SERINC5: variants seen among roughly 807,000 people sequenced by gnomAD.
The protein encoded by SERINC5 is chromosome 5 open reading frame 12.
A neutral mutation model predicts 63.1 loss-of-function variants in SERINC5; 41 were observed. The ratio of observed to expected loss-of-function variants is 0.65; its 90% confidence interval spans 0.51 to 0.84. The LOEUF (loss-of-function observed/expected upper bound fraction) is 0.84. SERINC5 is among the 40% of genes least tolerant of loss of function. The pLI, the probability that SERINC5 is intolerant of heterozygous loss-of-function variation, is 0.00. For synonymous variants in SERINC5, 222 were observed against 215.2 expected (o/e 1.03, Z -0.28); for missense variants, 523 against 573.0 (o/e 0.91, Z 0.89).
chr5:80,198,690 C>T (rs1411429777), intron 2 of SERINC5: 7 of 985,266 alleles, frequency 7.1e-6, no homozygotes, highest in Admixed American at 1.2e-4. Flanking sequence ...TTTCAACACC[C>T]GCCCGCAAGC....
At chr5:80,160,268 A>C (rs1746797687) in intron 7 of SERINC5, among the ~76,000 whole-genome samples, 1 of 152,214 alleles carries the variant, frequency 6.6e-6, no homozygotes, top group African/African-American at 2.4e-5. Context: ...TGACTGTTGT[A>C]GTGTGAAACA....
intron 2 of SERINC5, among the ~76,000 whole-genome samples, chr5:80,191,179 C>T (rs961068597): frequency 1.3e-5 from 2 of 150,280 alleles, no homozygotes; most frequent in African/African-American, 4.9e-5. Context: ...CTGTTTTAAC[C>T]TTTTGTTCTG....
At chr5:80,192,590 C>T (rs1384105709) in intron 2 of SERINC5, among the ~76,000 whole-genome samples, 1 of 152,178 alleles carries the variant, frequency 6.6e-6, no homozygotes, top group Non-Finnish European at 1.5e-5. Flanking sequence ...GAACAGAAAA[C>T]GTCCTCACAT....
chr5:80,134,854 G>A (rs999859706), downstream of SERINC5, among the ~76,000 whole-genome samples: 4 of 152,166 alleles, frequency 2.6e-5, no homozygotes, highest in East Asian at 1.9e-4. Context: ...GAGAGGGAGC[G>A]TATCTTAAAA....
At chr5:80,192,120 A>C (rs893251644) in intron 2 of SERINC5, among the ~76,000 whole-genome samples, 3 of 152,228 alleles carry the variant, frequency 2.0e-5, no homozygotes, top group Admixed American at 6.5e-5. Flanking sequence ...CAGAGACCAC[A>C]GGGCCTCCAG....
At chr5:80,193,787 C>A (rs1409818716) in intron 2 of SERINC5, among the ~76,000 whole-genome samples, 1 of 152,216 alleles carries the variant, frequency 6.6e-6, no homozygotes, top group East Asian at 1.9e-4. Context: ...TAAGGCCCAG[C>A]AATGACAGCT....
chr5:80,191,847 C>A (rs1749210925), intron 2 of SERINC5, among the ~76,000 whole-genome samples: 1 of 152,150 alleles, frequency 6.6e-6, no homozygotes, highest in African/African-American at 2.4e-5. Flanking sequence ...CAGTTACCTG[C>A]AACTTAAGCA....
intron 2 of SERINC5, among the ~76,000 whole-genome samples, chr5:80,190,295 T>C (rs1749101691): frequency 6.6e-6 from 1 of 151,566 alleles, no homozygotes; most frequent in Non-Finnish European, 1.5e-5. Flanking sequence ...GTATTTTTTG[T>C]AGAGACGGGG....
At chr5:80,170,232 G>T (rs1436069137) in intron 5 of SERINC5, among the ~76,000 whole-genome samples, 2 of 152,200 alleles carry the variant, frequency 1.3e-5, no homozygotes, top group African/African-American at 4.8e-5. Flanking sequence ...AGTGTGAAAT[G>T]TAACAGACTG....
intron 2 of SERINC5, among the ~76,000 whole-genome samples, chr5:80,188,282 C>CAA (rs34863168): frequency 2.6e-3 from 214 of 82,156 alleles, no homozygotes; most frequent in Non-Finnish European, 3.4e-3. Flanking sequence ...GACTCCGTCT[C>CAA]AAAAAAAAAA....
At chr5:80,253,837 G>A (rs999925008) in intron 1 of SERINC5, among the ~76,000 whole-genome samples, 9 of 152,214 alleles carry the variant, frequency 5.9e-5, no homozygotes, top group Admixed American at 5.2e-4. Flanking sequence ...TCTGACTTAT[G>A]ACTATATAGC....
chr5:80,206,107 G>A (rs996124969), intron 1 of SERINC5, among the ~76,000 whole-genome samples: 1 of 151,966 alleles, frequency 6.6e-6, no homozygotes, highest in African/African-American at 2.4e-5. Context: ...AAGCCAACAG[G>A]GCAATGCTAC....
chr5:80,208,012 C>T (rs1750254228), intron 1 of SERINC5, among the ~76,000 whole-genome samples: 1 of 152,160 alleles, frequency 6.6e-6, no homozygotes, highest in South Asian at 2.1e-4. Flanking sequence ...GCATGTCACT[C>T]ACTTTCAAAA....
chr5:80,178,773 C>A (rs574505375), intron 2 of SERINC5, among the ~76,000 whole-genome samples: 2 of 137,410 alleles, frequency 1.5e-5, no homozygotes, highest in African/African-American at 5.5e-5. Context: ...ACTATCCACC[C>A]AAAATGTCAC....
chr5:80,195,426 TC>T (rs1749442138), intron 2 of SERINC5, among the ~76,000 whole-genome samples: 1 of 152,224 alleles, frequency 6.6e-6, no homozygotes, highest in African/African-American at 2.4e-5. Context: ...CATTGTTTTC[TC>T]TGTAGAACAC....
chr5:80,253,343 G>A (rs1752512180), intron 1 of SERINC5, among the ~76,000 whole-genome samples: 1 of 152,118 alleles, frequency 6.6e-6, no homozygotes, highest in Admixed American at 6.6e-5. Flanking sequence ...CTAGAACACT[G>A]CTTGCCCCTA....
chr5:80,161,052 A>G (rs7720541), intron 7 of SERINC5, among the ~76,000 whole-genome samples: 2 of 133,610 alleles, frequency 1.5e-5, no homozygotes, highest in Admixed American at 7.6e-5. Flanking sequence ...ATATATATGT[A>G]TGTATGTATA....
In SERINC5 at chr5:80,164,910, G is replaced by GTTTTTTTTTTTTTTTTT. The variant is rs70982026; in HGVS notation, c.859+1456_859+1472dup. ...TGAAATTTAAAATAACTTTTTTTCT[G>GTTTTTTTTTTTTTTTTT]TTTTTTTTTTTTTTTTTTTTTTGTA... On this transcript the variant is annotated intron_variant, in intron 7 of 11. Coordinates refer to ENST00000507668, the MANE Select transcript of SERINC5 (RefSeq NM_001174072.3). Among the ~76,000 whole-genome samples the GTTTTTTTTTTTTTTTTT allele has an allele frequency of 5.9e-5, 5 of 85,180 alleles. 1 individual carries two copies. Among genetic ancestry groups the GTTTTTTTTTTTTTTTTT allele is most frequent in the African/African-American group, 2.4e-4 (5 of 20,460 alleles). The allele number at this position is 85,180 out of a possible 152,430, so 55.9% of individuals were successfully genotyped here.
chr5:80,138,950 A>G lies in SERINC5; in HGVS notation c.*4713T>C. 3.1e-6 allele frequency: 3 copies of G among 974,472 alleles called. No homozygotes were observed. In the South Asian group the frequency reaches 1.4e-4, roughly 46 times the overall value. The allele number at this position is 974,472 out of a possible 1,614,324, so 60.4% of individuals were successfully genotyped here. On this transcript the variant is annotated 3_prime_UTR_variant, in exon 12 of 12. Transcript: ENST00000507668. Reference sequence around the variant, plus strand: ...TTAACAAGTTTTGAGTTTTTTATATAGGAAAAGCCTAGTCAATTCAGATGC... The same window carrying G: ...TTAACAAGTTTTGAGTTTTTTATATGGGAAAAGCCTAGTCAATTCAGATGC...
Sources: gnomAD v4.1 joint callset for allele counts (sites outside exome capture counted in the v4.1 genomes callset) on GRCh38, gnomAD v4.1.1 for gene constraint, MANE v1.5 for transcripts, NCBI Gene and HGNC (gene_info 2026-07-23, HGNC 2026-07-21) for gene names.